The following ATF6 variants were observed in gnomAD, a reference collection of about 807,000 sequenced individuals.
The protein encoded by ATF6 is cyclic AMP-dependent transcription factor ATF-6 alpha.
ATF6 carries 53 observed loss-of-function variants against 83.6 expected under a neutral mutation model. The observed-to-expected ratio is 0.63, with a 90% CI of 0.51 to 0.80. The LOEUF (loss-of-function observed/expected upper bound fraction) is 0.80, where lower values mean the gene tolerates loss of function less well. Among genes scored for constraint, ATF6 ranks in the 30% least tolerant of loss-of-function variants. The pLI is 0.00. For missense variants in ATF6, 744 were observed against 797.9 expected (o/e 0.93, Z 0.81); for synonymous variants, 288 against 285.8 (o/e 1.01, Z -0.08).
chr1:161,783,934 T>G (rs1684690201), intron 3 of ATF6, 56 bp from the exon 4 acceptor site: 1 of 1,252,570 alleles, frequency 8.0e-7, no homozygotes, highest in African/African-American at 1.5e-5. Flanking sequence ...TTCTTGTTCA[T>G]TTTATTATAA....
At chr1:161,820,861 G>A (rs1685739592) in intron 8 of ATF6, among the ~76,000 whole-genome samples, 1 of 151,394 alleles carries the variant, frequency 6.6e-6, no homozygotes, top group African/African-American at 2.4e-5. Context: ...TTCTCTCCCT[G>A]CTGGAAAAGG....
At chr1:161,779,961 C>T (rs575819977) in intron 2 of ATF6, among the ~76,000 whole-genome samples, 3 of 152,220 alleles carry the variant, frequency 2.0e-5, no homozygotes, top group South Asian at 4.1e-4. Context: ...TAGTCTCAAA[C>T]TCCTGAGCTC....
intron 2 of ATF6, among the ~76,000 whole-genome samples, chr1:161,781,161 A>G (rs1684628088): frequency 6.6e-6 from 1 of 152,220 alleles, no homozygotes; most frequent in Admixed American, 6.5e-5. Flanking sequence ...TTATTCATGT[A>G]TATAGTATAA....
intron 12 of ATF6, among the ~76,000 whole-genome samples, chr1:161,858,178 A>C (rs1299396056): frequency 6.6e-6 from 1 of 152,210 alleles, no homozygotes; most frequent in African/African-American, 2.4e-5. Context: ...AAAAATATGC[A>C]GTTCAGTGAA....
chr1:161,806,547 T>A (rs1279327119), intron 7 of ATF6, among the ~76,000 whole-genome samples: 2 of 152,184 alleles, frequency 1.3e-5, no homozygotes, highest in Non-Finnish European at 2.9e-5. Context: ...TATAGAACTA[T>A]AAATAACCTC....
chr1:161,825,987 C>T lies in ATF6; in HGVS notation c.1187+4826C>T, dbSNP rs1027503576. Among the ~76,000 whole-genome samples the T allele has an allele frequency of 2.6e-5, 4 of 152,146 alleles. No homozygotes were observed. In the South Asian group the frequency reaches 6.2e-4, roughly 24 times the overall value. On this transcript the variant is annotated intron_variant, in intron 9 of 15. Transcript: ENST00000367942. Reference sequence around the variant, plus strand: ...ATAACAAAAGATGCTCTTCTTACCCCCTATCACTCAGGAAATTCCAAGGGT... The same window carrying T: ...ATAACAAAAGATGCTCTTCTTACCCTCTATCACTCAGGAAATTCCAAGGGT...
intron 6 of ATF6, among the ~76,000 whole-genome samples, chr1:161,793,917 CT>C (rs1684944628): frequency 6.6e-6 from 1 of 151,020 alleles, no homozygotes; most frequent in African/African-American, 2.4e-5. Context: ...TGTTTTTTTT[CT>C]TTTATTTGAG....
intron 9 of ATF6, among the ~76,000 whole-genome samples, chr1:161,823,520 T>G (rs1685813464): frequency 6.6e-6 from 1 of 152,248 alleles, no homozygotes; most frequent in Non-Finnish European, 1.5e-5. Flanking sequence ...CTTTACATTC[T>G]TTCCTCCAAG....
intron 4 of ATF6, among the ~76,000 whole-genome samples, chr1:161,790,128 A>G (rs542022006): frequency 3.9e-4 from 59 of 152,168 alleles, no homozygotes; most frequent in African/African-American, 1.2e-3. Context: ...ACCAATATAT[A>G]TCTTTTAACT....
rs1056316427 is a variant in ATF6, at chr1:161,959,563, G to T, written c.*909G>T. On this transcript the variant is annotated 3_prime_UTR_variant, in exon 16 of 16. Transcript: ENST00000367942. ...CGGGCGCCTGTAGTCCCAGCTACTT[G>T]GGAGGCTGAGGCAGGAGAATGGCGT... The T allele has an allele frequency of 1.3e-5, 2 of 151,348 alleles. No individual in the cohort carries two copies. The highest frequency in any genetic ancestry group is 6.6e-5 in the Admixed American group (1 of 15,174). The allele number at this position is 151,348 out of a possible 1,614,324, so 9.4% of individuals were successfully genotyped here.
chr1:161,954,687 AATGTCCAGAC>A (rs1238331104), intron 15 of ATF6, among the ~76,000 whole-genome samples: 1 of 152,140 alleles, frequency 6.6e-6, no homozygotes, highest in Non-Finnish European at 1.5e-5. Flanking sequence ...TTCCACCTCC[AATGTCCAGAC>A]ACTTTTTCTG....
At chr1:161,937,399 C>T (rs1688557684) in intron 15 of ATF6, among the ~76,000 whole-genome samples, 1 of 148,142 alleles carries the variant, frequency 6.8e-6, no homozygotes, top group South Asian at 2.2e-4. Context: ...TCTCTGGTTA[C>T]TTCAACACCA....
In ATF6 at chr1:161,963,583, C is replaced by A. The variant is rs1437869921; in HGVS notation, c.*4929C>A. 2 of 152,188 alleles carry A rather than the reference C, an allele frequency of 1.3e-5. No homozygotes were observed. The highest frequency in any genetic ancestry group is 2.9e-5 in the Non-Finnish European group (2 of 68,032). 9.4% of individuals were successfully genotyped at this position (152,188 alleles called of 1,614,324 possible). On this transcript the variant is annotated 3_prime_UTR_variant, in exon 16 of 16. Transcript: ENST00000367942. Reference sequence around the variant, plus strand: ...GAATAAACCAGGAGGCTTGGCATATCCCCTTTATGTTAATCCCAGCTAGAG... The same window carrying A: ...GAATAAACCAGGAGGCTTGGCATATACCCTTTATGTTAATCCCAGCTAGAG...
intron 15 of ATF6, among the ~76,000 whole-genome samples, chr1:161,943,871 G>C (rs1385959422): frequency 6.6e-6 from 1 of 152,106 alleles, no homozygotes; most frequent in African/African-American, 2.4e-5. Flanking sequence ...CAAACATACT[G>C]TGTATTTACT....
At chr1:161,853,649 A>C (rs1022398699) in intron 12 of ATF6, among the ~76,000 whole-genome samples, 5 of 152,206 alleles carry the variant, frequency 3.3e-5, no homozygotes, top group Non-Finnish European at 7.3e-5. Context: ...ATAATAAATA[A>C]TACTGCTTAT....
At chr1:161,867,900 G>C (rs1002401656) in intron 14 of ATF6, among the ~76,000 whole-genome samples, 3 of 152,144 alleles carry the variant, frequency 2.0e-5, no homozygotes, top group Admixed American at 2.0e-4. Flanking sequence ...CCATATTTGG[G>C]TATGCACCCC....
intron 15 of ATF6, among the ~76,000 whole-genome samples, chr1:161,956,536 A>G (rs556740383): frequency 6.6e-6 from 1 of 152,374 alleles, no homozygotes; most frequent in Non-Finnish European, 1.5e-5. Flanking sequence ...AAGATAAGTA[A>G]TAGCCATTGC....
At chr1:161,849,185 A>G (rs967767177) in intron 10 of ATF6, among the ~76,000 whole-genome samples, 1 of 152,202 alleles carries the variant, frequency 6.6e-6, no homozygotes, top group African/African-American at 2.4e-5. Flanking sequence ...TTTATCAAAC[A>G]CAAGACAGAT....
intron 12 of ATF6, among the ~76,000 whole-genome samples, chr1:161,857,662 A>G (rs1235636754): frequency 1.3e-5 from 2 of 152,250 alleles, no homozygotes; most frequent in South Asian, 4.1e-4. Flanking sequence ...GGTAAAAAGA[A>G]CAGGACTTTT....
Sources: gnomAD v4.1 joint callset for allele counts (sites outside exome capture counted in the v4.1 genomes callset) on GRCh38, gnomAD v4.1.1 for gene constraint, MANE v1.5 for transcripts, NCBI Gene and HGNC (gene_info 2026-07-23, HGNC 2026-07-21) for gene names.